Variants in CPZ observed in about 807,000 individuals in gnomAD.
CPZ encodes carboxypeptidase Z.
Under a neutral mutation model 61.8 loss-of-function variants are expected in CPZ, and 103 were observed. That is an observed-to-expected ratio of 1.67 (90% CI 1.42 to 1.96). The LOEUF is 1.96. Ranked by LOEUF, CPZ falls within the 30% of genes most tolerant of loss-of-function variation. The pLI, the probability that CPZ is intolerant of heterozygous loss-of-function variation, is 0.00. For missense variants in CPZ, 1,461 were observed against 914.9 expected, an observed-to-expected ratio of 1.60 and a Z score of -7.70; for synonymous variants, 551 against 373.7, an observed-to-expected ratio of 1.47 and a Z score of -5.47.
At chr4:8,617,321 C>G (rs1012513249) in intron 9 of CPZ, among the ~76,000 whole-genome samples, 17 of 152,178 alleles carry the variant, frequency 1.1e-4, no homozygotes, top group Non-Finnish European at 1.9e-4. Context: ...TGAACAGTCA[C>G]TACGGCAGAG....
intron 1 of CPZ, among the ~76,000 whole-genome samples, chr4:8,595,094 A>G (rs1441511908): frequency 6.6e-6 from 1 of 152,268 alleles, no homozygotes; most frequent in Non-Finnish European, 1.5e-5. Context: ...TATTTAACCC[A>G]ATATGTCCAA....
At chr4:8,618,108 C>G (rs191733519) in intron 9 of CPZ, 6 of 334,272 alleles carry the variant, frequency 1.8e-5, no homozygotes, top group South Asian at 1.6e-4. Flanking sequence ...GAAGGAATGC[C>G]GATCAGGCAG....
intron 4 of CPZ, among the ~76,000 whole-genome samples, chr4:8,605,615 CATCCATCCATCA>C (rs1483490911): frequency 7.1e-6 from 1 of 141,706 alleles, no homozygotes; most frequent in Admixed American, 7.0e-5. Context: ...TCCATCCATC[CATCCATCCATCA>C]TTGATATATC....
At chr4:8,598,963 C>G (rs1414383118) in intron 1 of CPZ, among the ~76,000 whole-genome samples, 1 of 152,230 alleles carries the variant, frequency 6.6e-6, no homozygotes, top group East Asian at 1.9e-4. Flanking sequence ...GTGGCTGACT[C>G]TGGGAGGGGC....
chr4:8,607,456 G>T (rs780538702), intron 7 of CPZ, 31 bp downstream of exon 7: 1 of 1,608,660 alleles, frequency 6.2e-7, no homozygotes, highest in Non-Finnish European at 8.5e-7. Context: ...GTGCAGGGGA[G>T]GGAGACAGTG....
intron 7 of CPZ, among the ~76,000 whole-genome samples, chr4:8,609,273 TCA>T (rs1193647021): frequency 4.4e-4 from 61 of 139,614 alleles, no homozygotes; most frequent in African/African-American, 1.8e-3. Context: ...TCTTATTCAT[TCA>T]CACACTAATT....
chr4:8,592,778 C>G lies in CPZ; in HGVS notation c.-56C>G. 1 of 1,261,308 alleles carries G rather than the reference C, an allele frequency of 7.9e-7. No homozygotes were observed. Among genetic ancestry groups the G allele is most frequent in the Admixed American group, 4.0e-5 (1 of 24,798 alleles). The allele number at this position is 1,261,308 out of a possible 1,614,324, so 78.1% of individuals were successfully genotyped here. On this transcript the variant is annotated 5_prime_UTR_variant, in exon 1 of 11. Transcript: ENST00000360986. ...CCCAGCGAGCGCAGAGCCCCGGCCC[C>G]GCGCGGCCCGAGTGCCACATCACTG...
intron 7 of CPZ, among the ~76,000 whole-genome samples, chr4:8,609,332 TTCAC>T (rs991642611): frequency 2.1e-4 from 32 of 151,766 alleles, no homozygotes; most frequent in African/African-American, 5.3e-4. Context: ...CACTCACTTT[TTCAC>T]TCACTCATTC....
chr4:8,606,279 T>A (rs1577115770), intron 5 of CPZ, 94 bp downstream of exon 5: 1 of 1,260,086 alleles, frequency 7.9e-7, no homozygotes. Flanking sequence ...AGTGCTTCGT[T>A]CCTGCCTCTC....
rs543761690 is a variant in CPZ, at chr4:8,593,510, G to A, written c.88+589G>A. Among the ~76,000 whole-genome samples the A allele has an allele frequency of 1.6e-4, 25 of 152,312 alleles. No individual in the cohort carries two copies. In the South Asian group the frequency reaches 4.8e-3, roughly 29 times the overall value. On this transcript the variant is annotated intron_variant, in intron 1 of 10. Transcript: ENST00000360986. ...CGACCTCACCCAAGGGGTGTGCAGCGGGGGTGGGGAGCAGGAAGGTAGAGG... is the reference window on the plus strand; with the variant it reads ...CGACCTCACCCAAGGGGTGTGCAGCAGGGGTGGGGAGCAGGAAGGTAGAGG...
At chr4:8,618,065 C>A (rs1393234784) in intron 9 of CPZ, 1 of 299,490 alleles carries the variant, frequency 3.3e-6, no homozygotes, top group Non-Finnish European at 6.4e-6. Flanking sequence ...CTCAGAGGGA[C>A]CCAGGGAGTC....
At chr4:8,599,586 G>C (rs1035586987) in intron 2 of CPZ, 101 bp downstream of exon 2, 13 of 1,561,510 alleles carry the variant, frequency 8.3e-6, no homozygotes, top group African/African-American at 2.7e-5. Flanking sequence ...TTCAGAAGTG[G>C]GTAATGGATA....
intron 1 of CPZ, among the ~76,000 whole-genome samples, chr4:8,598,505 T>C (rs1398001816): frequency 6.6e-6 from 1 of 152,194 alleles, no homozygotes; most frequent in Non-Finnish European, 1.5e-5. Flanking sequence ...GCTTGCCCCC[T>C]TCTCCCTGGC....
intron 10 of CPZ, 59 bp from the exon 11 acceptor site, chr4:8,619,203 C>T: frequency 1.4e-6 from 2 of 1,442,628 alleles, no homozygotes; most frequent in Non-Finnish European, 1.9e-6. Flanking sequence ...CATCACCCAT[C>T]ACCCCGTGGC....
rs115732516 is a variant in CPZ, at chr4:8,601,067, G to A, written c.122-56G>A. On this transcript the variant is annotated intron_variant, in intron 2 of 10. Transcript: ENST00000360986. ...GGGGTCCCCTACGTAAATGTCTGAT[G>A]CGTGACGGTCAGGGCCACTGCAGGA... 4,502 of 1,514,196 alleles carry A rather than the reference G, an allele frequency of 3.0e-3. 105 individuals are homozygous for A. In the African/African-American group the frequency reaches 0.052, roughly 18 times the overall value. The allele number at this position is 1,514,196 out of a possible 1,614,324, so 93.8% of individuals were successfully genotyped here. A position where few individuals can be genotyped will look rare whatever the true frequency, so the allele number is the denominator to read the frequency against.
chr4:8,609,862 T>C (rs1715505188), intron 7 of CPZ, among the ~76,000 whole-genome samples: 1 of 152,164 alleles, frequency 6.6e-6, no homozygotes, highest in South Asian at 2.1e-4. Flanking sequence ...AGGCCTGGGT[T>C]TGGCAGGGGA....
chr4:8,610,663 T>A (rs1054185972), intron 7 of CPZ, among the ~76,000 whole-genome samples: 2 of 152,180 alleles, frequency 1.3e-5, no homozygotes, highest in Non-Finnish European at 2.9e-5. Flanking sequence ...TCATTCTTGA[T>A]GGGAAAGTCC....
chr4:8,609,183 G>C (rs867635517), intron 7 of CPZ, among the ~76,000 whole-genome samples: 14,639 of 52,728 alleles, frequency 0.28, 900 homozygotes, highest in Middle Eastern at 0.34. Context: ...CATTCACTCA[G>C]GCATTCACTC....
At chr4:8,609,083 TTCACCCATTCAC>T (rs1715327511) in intron 7 of CPZ, among the ~76,000 whole-genome samples, 8 of 31,682 alleles carry the variant, frequency 2.5e-4, no homozygotes, top group South Asian at 2.3e-3. Context: ...CACTCATACA[TTCACCCATTCAC>T]TCACTCACTC....
Sources: gnomAD v4.1 joint callset for allele counts (sites outside exome capture counted in the v4.1 genomes callset) on GRCh38, gnomAD v4.1.1 for gene constraint, MANE v1.5 for transcripts, NCBI Gene and HGNC (gene_info 2026-07-23, HGNC 2026-07-21) for gene names.